The following KSR1 variants were observed in gnomAD, a reference collection of about 807,000 sequenced individuals.
The protein encoded by KSR1 is kinase suppressor of ras.
In KSR1, 35 loss-of-function variants were observed where a neutral mutation model predicts 92.9. The observed-to-expected ratio is 0.38, with a 90% CI of 0.29 to 0.50. The LOEUF is 0.50. KSR1 is among the 20% of genes least tolerant of loss of function. KSR1 has a pLI of 0.94. For missense variants in KSR1, 972 were observed against 1,158.5 expected, an observed-to-expected ratio of 0.84 and a Z score of 2.34; for synonymous variants, 467 against 472.6, an observed-to-expected ratio of 0.99 and a Z score of 0.15.
intron 2 of KSR1, among the ~76,000 whole-genome samples, chr17:27,575,191 G>C (rs768339245): frequency 9.9e-5 from 15 of 152,216 alleles, no homozygotes; most frequent in Non-Finnish European, 2.2e-4. Flanking sequence ...TAGCAACCCC[G>C]TAGGCAGAGC....
chr17:27,615,622 C>T (rs1391424308), intron 18 of KSR1, among the ~76,000 whole-genome samples: 3 of 152,218 alleles, frequency 2.0e-5, no homozygotes, highest in Non-Finnish European at 2.9e-5. Flanking sequence ...TCAGAGTCCA[C>T]TGGTTTCTTG....
chr17:27,577,569 TG>T lies in KSR1; in HGVS notation c.454del (p.Ala152ProfsTer19). On this transcript the variant is annotated frameshift_variant, in exon 3 of 21. Transcript: ENST00000644974. LOFTEE classifies it high-confidence loss of function. The surrounding 1 kb of genome is among the most constrained non-coding windows in gnomAD (Gnocchi z 4.5). Reference sequence around the variant, plus strand: ...AGGTGAAGGAGACGCTGCGGCGCTGTGGGGCCAGCGGGGATGAGTGTGGCCG... The same window carrying T: ...AGGTGAAGGAGACGCTGCGGCGCTGTGGGCCAGCGGGGATGAGTGTGGCCG... ...AKVKETLRRC[G>X]ASGDECGRLQ... is the part of the protein sequence containing the mutation. 6.2e-7 allele frequency: 1 copy of T among 1,605,598 alleles called. No individual in the cohort carries two copies. The highest frequency in any genetic ancestry group is 1.1e-5 in the South Asian group (1 of 89,916).
At chr17:27,468,639 T>C (rs1220377125) in intron 1 of KSR1, among the ~76,000 whole-genome samples, 2 of 152,302 alleles carry the variant, frequency 1.3e-5, no homozygotes, top group Non-Finnish European at 1.5e-5. Context: ...TCTCCAGCCA[T>C]CCGCTTCCAG....
intron 1 of KSR1, among the ~76,000 whole-genome samples, chr17:27,514,671 A>AAAAAG (rs901966271): frequency 3.3e-5 from 5 of 150,906 alleles, no homozygotes; most frequent in African/African-American, 9.8e-5. Context: ...AAAAAAAAAA[A>AAAAAG]AAAAGAAAAG....
intron 1 of KSR1, among the ~76,000 whole-genome samples, chr17:27,537,981 C>CA (rs1308138099): frequency 6.6e-6 from 1 of 152,140 alleles, no homozygotes; most frequent in African/African-American, 2.4e-5. Flanking sequence ...CACAAACAAA[C>CA]AGACAAAAAG....
chr17:27,528,772 G>A (rs1003545009), intron 1 of KSR1, among the ~76,000 whole-genome samples: 2 of 152,148 alleles, frequency 1.3e-5, no homozygotes, highest in African/African-American at 4.8e-5. Flanking sequence ...GGGTATAGTG[G>A]TGTTCACCTG....
intron 7 of KSR1, among the ~76,000 whole-genome samples, chr17:27,591,806 T>C (rs2073175882): frequency 6.6e-6 from 1 of 152,148 alleles, no homozygotes; most frequent in South Asian, 2.1e-4. Flanking sequence ...ATGAGGTTGA[T>C]AGGACACCCT....
intron 2 of KSR1, among the ~76,000 whole-genome samples, chr17:27,561,692 C>G (rs1046097159): frequency 1.3e-5 from 2 of 152,224 alleles, no homozygotes; most frequent in African/African-American, 4.8e-5. Flanking sequence ...AACTGGCAGA[C>G]ATCACTTTCT....
intron 1 of KSR1, among the ~76,000 whole-genome samples, chr17:27,477,025 A>T (rs917163268): frequency 6.6e-6 from 1 of 152,222 alleles, no homozygotes; most frequent in African/African-American, 2.4e-5. Flanking sequence ...GATATGCTAA[A>T]TAAAGGGTAG....
intron 1 of KSR1, among the ~76,000 whole-genome samples, chr17:27,470,364 C>T (rs185020985): frequency 2.0e-5 from 3 of 151,690 alleles, no homozygotes; most frequent in East Asian, 3.9e-4. Flanking sequence ...GCCTCAGCCT[C>T]CTGAGTAGCT....
intron 1 of KSR1, among the ~76,000 whole-genome samples, chr17:27,522,300 A>C (rs2070068617): frequency 6.6e-6 from 1 of 152,196 alleles, no homozygotes; most frequent in African/African-American, 2.4e-5. Context: ...GATCCTAGGA[A>C]TACTGGCTTA....
chr17:27,527,498 C>T (rs555178724), intron 1 of KSR1, among the ~76,000 whole-genome samples: 12 of 128,932 alleles, frequency 9.3e-5, no homozygotes, highest in African/African-American at 3.7e-4. Flanking sequence ...CGCCTCCTGG[C>T]GATTCTCCTG....
chr17:27,491,373 G>T (rs2068826418), intron 1 of KSR1, among the ~76,000 whole-genome samples: 1 of 149,050 alleles, frequency 6.7e-6, no homozygotes, highest in Admixed American at 6.7e-5. Context: ...GTAGGGGCGG[G>T]GGTGGAATGT....
chr17:27,533,523 A>G (rs2070631116), intron 1 of KSR1, among the ~76,000 whole-genome samples: 1 of 151,960 alleles, frequency 6.6e-6, no homozygotes, highest in Admixed American at 6.6e-5. Flanking sequence ...AGCTGGGACT[A>G]CAGATGCACA....
At chr17:27,552,354 C>T (rs923509245) in intron 2 of KSR1, among the ~76,000 whole-genome samples, 18 of 152,082 alleles carry the variant, frequency 1.2e-4, no homozygotes, top group Admixed American at 3.3e-4. Flanking sequence ...TGCTTGGTTG[C>T]GACAGATATA....
chr17:27,587,333 C>T (rs1271119893), intron 5 of KSR1: 1 of 152,250 alleles, frequency 6.6e-6, no homozygotes, highest in Non-Finnish European at 1.5e-5. Flanking sequence ...TCAGTACCTC[C>T]AGCACACCCT....
intron 1 of KSR1, among the ~76,000 whole-genome samples, chr17:27,462,461 C>T (rs1341454546): frequency 1.3e-5 from 2 of 152,198 alleles, no homozygotes; most frequent in Non-Finnish European, 2.9e-5. Context: ...GCTGTGCAGC[C>T]TCAGGGTTCG....
intron 9 of KSR1, among the ~76,000 whole-genome samples, chr17:27,594,286 T>C (rs2073265294): frequency 1.3e-5 from 2 of 152,086 alleles, no homozygotes; most frequent in South Asian, 4.1e-4. Context: ...TAGTAATTAT[T>C]TTCCCAGCCC....
At chr17:27,528,835 T>C (rs2070420716) in intron 1 of KSR1, among the ~76,000 whole-genome samples, 1 of 151,982 alleles carries the variant, frequency 6.6e-6, no homozygotes, top group African/African-American at 2.4e-5. Flanking sequence ...AGCCTGGGAG[T>C]GTGAGGTTGC....
Sources: gnomAD v4.1 joint callset for allele counts (sites outside exome capture counted in the v4.1 genomes callset) on GRCh38, gnomAD v4.1.1 for gene constraint, Gnocchi (gnomAD v3.1) non-coding constraint, MANE v1.5 for transcripts, NCBI Gene and HGNC (gene_info 2026-07-23, HGNC 2026-07-21) for gene names.